Variants in SMOC2 observed in about 807,000 individuals in gnomAD.
SMOC2 encodes SPARC-related modular calcium-binding protein 2.
SMOC2 carries 39 observed loss-of-function variants against 61.4 expected under a neutral mutation model. The observed-to-expected ratio is 0.64, with a 90% confidence interval of 0.49 to 0.83. SMOC2 has a LOEUF of 0.83. Among genes scored for constraint, SMOC2 ranks in the 40% least tolerant of loss-of-function variants. SMOC2 has a pLI of 0.00. For missense variants in SMOC2, 556 were observed against 592.9 expected, an observed-to-expected ratio of 0.94 and a Z score of 0.65; for synonymous variants, 247 against 239.9, an observed-to-expected ratio of 1.03 and a Z score of -0.27.
At chr6:168,485,858 A>G (rs1203693212) in intron 1 of SMOC2, among the ~76,000 whole-genome samples, 1 of 152,222 alleles carries the variant, frequency 6.6e-6, no homozygotes, top group Non-Finnish European at 1.5e-5. Flanking sequence ...ATGGATTAGT[A>G]ATAAATTTCT....
intron 7 of SMOC2, among the ~76,000 whole-genome samples, chr6:168,555,127 G>T (rs1217192911): frequency 6.6e-6 from 1 of 152,222 alleles, no homozygotes; most frequent in East Asian, 1.9e-4. Flanking sequence ...CCAGCTCCCG[G>T]CTCCTCTCGG....
At chr6:168,487,710 C>G (rs141858823) in intron 1 of SMOC2, among the ~76,000 whole-genome samples, 1 of 152,006 alleles carries the variant, frequency 6.6e-6, no homozygotes, top group East Asian at 1.9e-4. Flanking sequence ...ACCATGTTGG[C>G]CAGGGTGGTC....
At chr6:168,445,416 A>G (rs575950969) in intron 1 of SMOC2, among the ~76,000 whole-genome samples, 10 of 152,342 alleles carry the variant, frequency 6.6e-5, no homozygotes, top group African/African-American at 2.2e-4. Flanking sequence ...AAGAGAAGAA[A>G]GGTGATAAGA....
At chr6:168,460,073 T>A (rs1781686972) in intron 1 of SMOC2, among the ~76,000 whole-genome samples, 1 of 152,208 alleles carries the variant, frequency 6.6e-6, no homozygotes, top group Non-Finnish European at 1.5e-5. Flanking sequence ...TACTTTATTG[T>A]AAACAGGATA....
chr6:168,518,617 ATGACTGAG>A (rs1458687406), intron 2 of SMOC2, among the ~76,000 whole-genome samples: 7 of 86,390 alleles, frequency 8.1e-5, no homozygotes, highest in Non-Finnish European at 2.1e-4. Context: ...GTGTGCATGT[ATGACTGAG>A]TGCATGTGTG....
chr6:168,466,587 T>G (rs2115008696), intron 1 of SMOC2, among the ~76,000 whole-genome samples: 1 of 152,328 alleles, frequency 6.6e-6, no homozygotes, highest in African/African-American at 2.4e-5. Context: ...CTCTTCTCAG[T>G]TGTAGTGAGT....
intron 7 of SMOC2, among the ~76,000 whole-genome samples, chr6:168,559,418 G>A (rs545527157): frequency 6.6e-6 from 1 of 151,744 alleles, no homozygotes; most frequent in South Asian, 2.1e-4. Context: ...TTGTACCACT[G>A]CACTCTAGCC....
At chr6:168,454,450 C>G (rs141538920) in intron 1 of SMOC2, among the ~76,000 whole-genome samples, 2 of 152,096 alleles carry the variant, frequency 1.3e-5, no homozygotes. Flanking sequence ...AATAGCCCCT[C>G]GTAACTTCAC....
At chr6:168,599,417 T>C (rs1179960366) in intron 8 of SMOC2, among the ~76,000 whole-genome samples, 4 of 43,236 alleles carry the variant, frequency 9.3e-5, no homozygotes, top group Non-Finnish European at 1.4e-4. Flanking sequence ...CACACATTCA[T>C]ACCCCCCACA....
intron 7 of SMOC2, 88 bp downstream of exon 7, chr6:168,549,291 T>C: frequency 7.9e-7 from 1 of 1,266,984 alleles, no homozygotes. Context: ...AAGTGTATTG[T>C]ACAGTTGACC....
chr6:168,585,479 CT>C (rs1184393478), intron 7 of SMOC2, among the ~76,000 whole-genome samples: 1 of 152,170 alleles, frequency 6.6e-6, no homozygotes, highest in Non-Finnish European at 1.5e-5. Flanking sequence ...TTGTTTTTCT[CT>C]TTAGGTTGGG....
rs79221237 is a variant in SMOC2 at position 168,506,060 on chromosome 6, C to T, written c.85-3855C>T. 7.1e-3 allele frequency among the ~76,000 whole-genome samples: 1,083 copies of T among 152,042 alleles called. 12 individuals are homozygous for T. Among genetic ancestry groups the T allele is most frequent in the African/African-American group, 0.024 (977 of 41,460 alleles). On this transcript the variant is annotated intron_variant, in intron 1 of 12. Coordinates refer to ENST00000356284, the MANE Select transcript of SMOC2 (RefSeq NM_001166412.2). ...GTCTCACTTGCCCAGGCTGAAGTGC[C>T]CTGGTGCGTAGTCATAGCTCACTGC...
chr6:168,633,397 G>A (rs985068050), intron 9 of SMOC2, among the ~76,000 whole-genome samples: 6 of 152,136 alleles, frequency 3.9e-5, no homozygotes, highest in South Asian at 2.1e-4. Context: ...ATGAGGGCAG[G>A]GACAAGTAAG....
At chr6:168,645,453 C>G (rs558848228) in intron 9 of SMOC2, among the ~76,000 whole-genome samples, 1 of 152,176 alleles carries the variant, frequency 6.6e-6, no homozygotes, top group African/African-American at 2.4e-5. Flanking sequence ...CGAGTTAGCA[C>G]GGGACAGAGA....
chr6:168,535,946 G>A lies in SMOC2; in HGVS notation c.464-7679G>A, dbSNP rs1334851990. On this transcript the variant is annotated intron_variant, in intron 4 of 12. Coordinates refer to ENST00000356284, the MANE Select transcript of SMOC2 (RefSeq NM_001166412.2). The surrounding 1 kb of genome is among the most constrained non-coding windows in gnomAD (Gnocchi z 4.6). Reference sequence around the variant, plus strand: ...ATCCTGGGGACACGTGAGGAATAACGCAGCAGCCATGCAGCTTCACGGCAC... The same window carrying A: ...ATCCTGGGGACACGTGAGGAATAACACAGCAGCCATGCAGCTTCACGGCAC... 6.6e-6 allele frequency among the ~76,000 whole-genome samples: 1 copy of A among 152,216 alleles called. No homozygotes were observed. The highest frequency in any genetic ancestry group is 1.5e-5 in the Non-Finnish European group (1 of 68,042).
At chr6:168,454,990 G>A (rs1035929648) in intron 1 of SMOC2, among the ~76,000 whole-genome samples, 2 of 152,282 alleles carry the variant, frequency 1.3e-5, no homozygotes, top group Admixed American at 6.5e-5. Flanking sequence ...ACTCCAGAGG[G>A]TCTTGGTGGC....
At chr6:168,483,148 A>G (rs746218471) in intron 1 of SMOC2, among the ~76,000 whole-genome samples, 2 of 151,886 alleles carry the variant, frequency 1.3e-5, no homozygotes, top group Non-Finnish European at 2.9e-5. Context: ...AGATGATATG[A>G]TTTTATGTGT....
At chr6:168,655,530 G>T (rs1048683630) in intron 11 of SMOC2, 3 of 415,946 alleles carry the variant, frequency 7.2e-6, no homozygotes, top group Non-Finnish European at 1.5e-5. Context: ...GCACATGCGT[G>T]CTAGATACTC....
chr6:168,566,388 G>T (rs1438548039), intron 7 of SMOC2, among the ~76,000 whole-genome samples: 1 of 151,606 alleles, frequency 6.6e-6, no homozygotes, highest in Non-Finnish European at 1.5e-5. Flanking sequence ...GTATGTATGT[G>T]GATTTAATGT....
Sources: allele counts gnomAD v4.1 joint callset (sites outside exome capture counted in the v4.1 genomes callset), GRCh38; gene constraint gnomAD v4.1.1; non-coding constraint Gnocchi (gnomAD v3.1); transcripts MANE v1.5; gene names NCBI Gene and HGNC (gene_info 2026-07-23, HGNC 2026-07-21).